Variants in SYBU observed in about 807,000 individuals in gnomAD.
SYBU encodes GOLSYN A protein.
A neutral mutation model predicts 35.9 loss-of-function variants in SYBU; 21 were observed. That is an observed-to-expected ratio of 0.58 (90% CI 0.41 to 0.84). SYBU has a LOEUF of 0.84. SYBU is among the 40% of genes least tolerant of loss of function. The pLI is 0.00. For missense variants in SYBU, 768 were observed against 848.2 expected (o/e 0.91, Z 1.17); for synonymous variants, 319 against 324.3 (o/e 0.98, Z 0.18).
At chr8:109,675,263 A>T (rs180926368) in intron 1 of SYBU, among the ~76,000 whole-genome samples, 5 of 152,328 alleles carry the variant, frequency 3.3e-5, no homozygotes, top group African/African-American at 9.6e-5. Flanking sequence ...TTCAAAAGCT[A>T]GCAGAAGACA....
chr8:109,604,538 A>G (rs1345569545), intron 3 of SYBU, among the ~76,000 whole-genome samples: 3 of 152,230 alleles, frequency 2.0e-5, no homozygotes, highest in African/African-American at 7.2e-5. Context: ...TAGCATTACC[A>G]GGTTCAGTTC....
At chr8:109,604,782 C>G (rs1455109581) in intron 3 of SYBU, among the ~76,000 whole-genome samples, 1 of 152,190 alleles carries the variant, frequency 6.6e-6, no homozygotes, top group African/African-American at 2.4e-5. Flanking sequence ...ACTTCTTCCT[C>G]TAACGATGAG....
chr8:109,606,062 A>G (rs1367499668), intron 3 of SYBU, among the ~76,000 whole-genome samples: 4 of 152,218 alleles, frequency 2.6e-5, no homozygotes, highest in African/African-American at 7.2e-5. Context: ...ACAAAGTCAC[A>G]CATTTGAAAA....
At chr8:109,648,429 G>T (rs10090145), upstream of SYBU, among the ~76,000 whole-genome samples, 63,378 of 151,146 alleles carry the variant, frequency 0.42, 14,649 homozygotes, top group African/African-American at 0.63. Flanking sequence ...CCTACCTTTC[G>T]TATGCACAAA....
intron 1 of SYBU, among the ~76,000 whole-genome samples, chr8:109,655,093 C>T (rs896761280): frequency 6.6e-6 from 1 of 152,194 alleles, no homozygotes; most frequent in African/African-American, 2.4e-5. Context: ...AAACTTCATC[C>T]ACTAATGCAT....
chr8:109,608,271 T>C (rs1826271510), intron 3 of SYBU, among the ~76,000 whole-genome samples: 1 of 152,116 alleles, frequency 6.6e-6, no homozygotes, highest in Non-Finnish European at 1.5e-5. Flanking sequence ...TACACAACAG[T>C]CAAGATGAAT....
chr8:109,682,599 C>G (rs755525930), upstream of SYBU, among the ~76,000 whole-genome samples: 4 of 152,150 alleles, frequency 2.6e-5, no homozygotes, highest in African/African-American at 9.7e-5. Context: ...AAGTTTTGAA[C>G]ATTTGCAGTC....
rs1354469466 is a variant in SYBU, at chr8:109,575,067, G to A, written c.1831C>T (p.Leu611Phe). ...QYWSSSFLVD[L>F]LAVAAPVVPT... ...ACCACGGGGGCAGCCACAGCCAGGA[G>A]ATCCACCAGGAAGCTGCTGCTCCAG... The change falls in exon 7 of 7, where the codon CTC (leucine) becomes TTC (phenylalanine). Residue 611 changes from leucine (L) to phenylalanine (F), a missense_variant. Leu to Phe is a conservative substitution (Grantham distance 22). Transcript: ENST00000276646. 3 of 1,608,882 alleles carry A rather than the reference G, an allele frequency of 1.9e-6. No homozygotes were observed. The Admixed American group carries it at 5.0e-5, about 27-fold the overall frequency.
intron 3 of SYBU, among the ~76,000 whole-genome samples, chr8:109,594,895 A>G (rs796851356): frequency 1.5e-4 from 23 of 152,286 alleles, no homozygotes; most frequent in African/African-American, 4.1e-4. Context: ...TTTAAAAATA[A>G]TATGGTTTAG....
Position 109,660,424 on chromosome 8 carries a change from C to G in SYBU, c.-129+20287G>C, listed in dbSNP as rs562315748. On this transcript the variant is annotated intron_variant, in intron 1 of 5. Coordinates refer to the SYBU transcript ENST00000408889. Reference sequence around the variant, plus strand: ...AAAAATTGGAGTTCATGGCTGTTGTCTGATATCTTAATATTCACACTGGCC... The same window carrying G: ...AAAAATTGGAGTTCATGGCTGTTGTGTGATATCTTAATATTCACACTGGCC... Among the ~76,000 whole-genome samples the G allele has an allele frequency of 5.3e-5, 8 of 152,200 alleles. No homozygotes were observed. The South Asian group carries it at 1.7e-3, about 32-fold the overall frequency.
intron 1 of SYBU, among the ~76,000 whole-genome samples, chr8:109,674,103 C>T (rs1817089271): frequency 1.3e-5 from 2 of 152,300 alleles, no homozygotes; most frequent in South Asian, 2.1e-4. Context: ...TTGGAAAACA[C>T]TCTTCAGGAT....
chr8:109,640,819 CAAAAAAA>C (rs33993476), intron 2 of SYBU, among the ~76,000 whole-genome samples: 6 of 82,064 alleles, frequency 7.3e-5, no homozygotes, highest in Non-Finnish European at 1.4e-4. Flanking sequence ...AATTAGTTAG[CAAAAAAA>C]AAAAAAAAAA....
In SYBU at chr8:109,574,174, A is replaced by T. The variant is rs1821953101; in HGVS notation, c.*732T>A. ...TACATAGAAGTAAAATCACAGAAAT[A>T]ATTATTATTTTATGGGAGGATAAAA... On this transcript the variant is annotated 3_prime_UTR_variant, in exon 7 of 7. Transcript: ENST00000276646. 2 of 152,326 alleles carry T rather than the reference A, an allele frequency of 1.3e-5. No homozygotes were observed. The highest frequency in any genetic ancestry group is 6.5e-5 in the Admixed American group (1 of 15,286). The allele number at this position is 152,326 out of a possible 1,614,324, so 9.4% of individuals were successfully genotyped here.
intron 3 of SYBU, among the ~76,000 whole-genome samples, chr8:109,609,478 C>T (rs575164064): frequency 6.6e-6 from 1 of 152,302 alleles, no homozygotes; most frequent in African/African-American, 2.4e-5. Context: ...TTTGCTCTCT[C>T]AATTCAGTGA....
chr8:109,594,987 T>C, intron 3 of SYBU, among the ~76,000 whole-genome samples: 1 of 152,302 alleles, frequency 6.6e-6, no homozygotes, highest in South Asian at 2.1e-4. Flanking sequence ...AGAATAATAA[T>C]AGTATCTATT....
intron 1 of SYBU, among the ~76,000 whole-genome samples, chr8:109,669,169 C>T (rs1414098499): frequency 6.6e-6 from 1 of 151,514 alleles, no homozygotes; most frequent in East Asian, 1.9e-4. Flanking sequence ...GGTGAAACCC[C>T]GTCTCTACTA....
intron 4 of SYBU, 140 bp downstream of exon 4, chr8:109,585,920 C>G (rs1257088842): frequency 1.6e-6 from 1 of 642,124 alleles, no homozygotes; most frequent in Non-Finnish European, 2.7e-6. Flanking sequence ...TTTAAAATCA[C>G]TGTAAAAAAA....
At chr8:109,591,508 T>TTTC (rs1379154668) in intron 3 of SYBU, among the ~76,000 whole-genome samples, 3 of 126,516 alleles carry the variant, frequency 2.4e-5, no homozygotes, top group African/African-American at 1.1e-4. Flanking sequence ...AAATGTAAAT[T>TTTC]TTTTTTTTTT....
intron 3 of SYBU, among the ~76,000 whole-genome samples, chr8:109,600,425 C>T (rs971880836): frequency 1.3e-5 from 2 of 152,194 alleles, no homozygotes; most frequent in African/African-American, 4.8e-5. Flanking sequence ...AAAAACCACG[C>T]TAACTGCAAA....
Sources: allele counts gnomAD v4.1 joint callset (sites outside exome capture counted in the v4.1 genomes callset), GRCh38; gene constraint gnomAD v4.1.1; transcripts MANE v1.5; gene names NCBI Gene and HGNC (gene_info 2026-07-23, HGNC 2026-07-21).